STK33: variants seen among roughly 807,000 people sequenced by gnomAD.
STK33 encodes serine/threonine-protein kinase 33.
In STK33, 52 loss-of-function variants were observed where a neutral mutation model predicts 58.0. The ratio of observed to expected loss-of-function variants is 0.90; its 90% CI spans 0.72 to 1.13. The LOEUF (loss-of-function observed/expected upper bound fraction) is 1.13. STK33 is among the 50% of genes most tolerant of loss of function. The pLI is 0.00. For missense variants in STK33, 630 were observed against 604.2 expected, an observed-to-expected ratio of 1.04 and a Z score of -0.45; for synonymous variants, 215 against 200.1, an observed-to-expected ratio of 1.07 and a Z score of -0.63.
chr11:8,449,662 G>T (rs954089875), intron 11 of STK33, among the ~76,000 whole-genome samples: 10 of 148,630 alleles, frequency 6.7e-5, no homozygotes, highest in Admixed American at 6.0e-4. Flanking sequence ...ATAGCATTAG[G>T]AGATATACCT....
At chr11:8,498,225 A>G (rs995995465) in intron 1 of STK33, among the ~76,000 whole-genome samples, 4 of 152,162 alleles carry the variant, frequency 2.6e-5, no homozygotes, top group African/African-American at 9.7e-5. Context: ...GCAAACAAGT[A>G]ATAGTGGGGA....
At chr11:8,370,816 G>A in the STK33 span, among the ~76,000 whole-genome samples, 210 of 152,300 alleles carry the variant, frequency 1.4e-3, 4 homozygotes, top group East Asian at 0.033. Context: ...CGCCCAGCAC[G>A]AGAAGTGGCT....
intron 1 of STK33, among the ~76,000 whole-genome samples, chr11:8,559,376 A>G (rs1309349667): frequency 1.3e-5 from 2 of 152,160 alleles, no homozygotes; most frequent in Admixed American, 6.6e-5. Flanking sequence ...TGGCATGACA[A>G]TCATGTAATA....
At chr11:8,505,859 C>G (rs1243929010) in intron 1 of STK33, among the ~76,000 whole-genome samples, 1 of 152,230 alleles carries the variant, frequency 6.6e-6, no homozygotes, top group African/African-American at 2.4e-5. Flanking sequence ...ACTCCCAACT[C>G]TGCCCTTACT....
intron 1 of STK33, among the ~76,000 whole-genome samples, chr11:8,533,669 A>T (rs1387294506): frequency 1.3e-5 from 2 of 152,232 alleles, no homozygotes; most frequent in Non-Finnish European, 2.9e-5. Context: ...TCACAACAAA[A>T]AGCCAGTCTT....
intron 2 of STK33, among the ~76,000 whole-genome samples, chr11:8,479,084 G>C (rs1386229727): frequency 6.6e-6 from 1 of 152,108 alleles, no homozygotes; most frequent in African/African-American, 2.4e-5. Flanking sequence ...AATACGGAAG[G>C]ACAGTCTTAA....
intron 11 of STK33, among the ~76,000 whole-genome samples, chr11:8,442,012 C>T (rs59084068): frequency 0.034 from 4,757 of 139,308 alleles, 91 homozygotes; most frequent in African/African-American, 0.065. Flanking sequence ...ATCTCTCCCA[C>T]CTACACATAC....
intron 1 of STK33, among the ~76,000 whole-genome samples, chr11:8,560,200 T>C (rs1428581732): frequency 1.3e-5 from 2 of 152,162 alleles, no homozygotes; most frequent in African/African-American, 2.4e-5. Flanking sequence ...ATTTATTATT[T>C]TGATAAATGT....
chr11:8,450,909 G>A (rs953847742), intron 11 of STK33, among the ~76,000 whole-genome samples: 2 of 152,098 alleles, frequency 1.3e-5, no homozygotes, highest in Non-Finnish European at 2.9e-5. Context: ...CACTTCACCA[G>A]AAACAATATA....
At chr11:8,402,955 G>C (rs1223783590) in intron 15 of STK33, among the ~76,000 whole-genome samples, 1 of 152,182 alleles carries the variant, frequency 6.6e-6, no homozygotes, top group Non-Finnish European at 1.5e-5. Context: ...AGTTTTGTAA[G>C]TAATAGAACA....
intron 1 of STK33, among the ~76,000 whole-genome samples, chr11:8,581,901 A>G (rs940018712): frequency 6.6e-6 from 1 of 152,228 alleles, no homozygotes; most frequent in Non-Finnish European, 1.5e-5. Context: ...CTCTACATCT[A>G]TTACCCCAGG....
intron 1 of STK33, among the ~76,000 whole-genome samples, chr11:8,568,180 T>C (rs1028248979): frequency 1.2e-4 from 19 of 152,194 alleles, no homozygotes; most frequent in African/African-American, 4.6e-4. Context: ...AGTTCTTAGT[T>C]CCTTCCATCA....
At chr11:8,510,984 G>T (rs1952272478) in intron 1 of STK33, among the ~76,000 whole-genome samples, 1 of 152,054 alleles carries the variant, frequency 6.6e-6, no homozygotes, top group African/African-American at 2.4e-5. Context: ...CTCTTTCTTG[G>T]TTCTGTATGA....
At chr11:8,499,889 G>A (rs1184632145) in intron 1 of STK33, among the ~76,000 whole-genome samples, 1 of 152,070 alleles carries the variant, frequency 6.6e-6, no homozygotes, top group Admixed American at 6.6e-5. Flanking sequence ...ATGGACACAG[G>A]GAGGGGAACA....
chr11:8,572,045 T>TAAATTTTAATTTAAAAAAATAAATAAAA (rs1565393832), intron 1 of STK33, among the ~76,000 whole-genome samples: 1 of 62,218 alleles, frequency 1.6e-5, no homozygotes, highest in African/African-American at 9.4e-5. Context: ...ATAAATTAAT[T>TAAATTTTAATTTAAAAAAATAAATAAAA]AATTAATTAA....
At chr11:8,486,080 T>C (rs951692903) in intron 1 of STK33, among the ~76,000 whole-genome samples, 1 of 152,158 alleles carries the variant, frequency 6.6e-6, no homozygotes, top group Admixed American at 6.5e-5. Context: ...CTGCAAGAGT[T>C]TCCTAACTGG....
rs1224926704 is a variant in STK33 at position 8,435,494 on chromosome 11, T to G, written c.1146A>C (p.Thr382=). ...AKELLDNQWL[T]GNKLSSVRPT... ...AGAAAAAAGTAATATTGTAACTTACTGTTAACCACTGGTTATCTAGTAGTT... is the reference window on the plus strand; with the variant it reads ...AGAAAAAAGTAATATTGTAACTTACGGTTAACCACTGGTTATCTAGTAGTT... The change falls in exon 14 of 16, where the codon ACA becomes ACC. Residue 382 remains threonine, a splice_region_variant and synonymous_variant. Coordinates refer to ENST00000687296, the MANE Select transcript of STK33 (RefSeq NM_001352389.2). The G allele has an allele frequency of 7.0e-7, 1 of 1,424,554 alleles. No individual in the cohort carries two copies. 88.2% of individuals were successfully genotyped at this position (1,424,554 alleles called of 1,614,324 possible).
At chr11:8,503,896 C>T (rs1468610241) in intron 1 of STK33, among the ~76,000 whole-genome samples, 1 of 152,182 alleles carries the variant, frequency 6.6e-6, no homozygotes, top group African/African-American at 2.4e-5. Context: ...TTCTCCTGTA[C>T]TTGAACTTGA....
chr11:8,422,043 T>C (rs1338197733), intron 14 of STK33, among the ~76,000 whole-genome samples: 1 of 152,138 alleles, frequency 6.6e-6, no homozygotes, highest in Non-Finnish European at 1.5e-5. Context: ...ATCAGCAATG[T>C]TGGAAGAAAA....
Sources: allele counts gnomAD v4.1 joint callset (sites outside exome capture counted in the v4.1 genomes callset), GRCh38; gene constraint gnomAD v4.1.1; transcripts MANE v1.5; gene names NCBI Gene and HGNC (gene_info 2026-07-23, HGNC 2026-07-21).